MROH2B: variants seen among roughly 807,000 people sequenced by gnomAD.
The protein encoded by MROH2B is maestro heat-like repeat-containing protein family member 2B.
A neutral mutation model predicts 208.6 loss-of-function variants in MROH2B; 177 were observed. The ratio of observed to expected loss-of-function variants is 0.85; its 90% CI spans 0.75 to 0.96. The LOEUF (loss-of-function observed/expected upper bound fraction) is 0.96, where lower values mean the gene tolerates loss of function less well. Ranked by LOEUF, MROH2B falls within the 40% of genes least tolerant of loss-of-function variation. The pLI is 0.00. For synonymous variants in MROH2B, 728 were observed against 659.0 expected (o/e 1.10, Z -1.60); for missense variants, 2,002 against 1,878.7 (o/e 1.07, Z -1.21).
intron 6 of MROH2B, among the ~76,000 whole-genome samples, chr5:41,060,470 C>CT (rs1001672277): frequency 2.6e-5 from 4 of 152,180 alleles, no homozygotes; most frequent in Non-Finnish European, 5.9e-5. Flanking sequence ...TGCCTTATAT[C>CT]TTTTTTTCTC....
At chr5:41,014,208 G>A (rs1741864094) in intron 29 of MROH2B, among the ~76,000 whole-genome samples, 1 of 152,136 alleles carries the variant, frequency 6.6e-6, no homozygotes, top group African/African-American at 2.4e-5. Context: ...AATCTGTAAT[G>A]TCTACATTAT....
intron 13 of MROH2B, 138 bp from the exon 14 acceptor site, chr5:41,049,574 A>T: frequency 1.0e-6 from 1 of 992,698 alleles, no homozygotes; most frequent in East Asian, 2.6e-5. Context: ...TCAAGATGAG[A>T]TCATTAAAGG....
chr5:41,047,379 T>C (rs1743154101), intron 17 of MROH2B, among the ~76,000 whole-genome samples: 1 of 152,180 alleles, frequency 6.6e-6, no homozygotes, highest in Non-Finnish European at 1.5e-5. Context: ...GGAAATTATA[T>C]TCATCTGCTT....
chr5:41,013,490 T>G (rs1741838663), intron 29 of MROH2B, among the ~76,000 whole-genome samples: 1 of 152,204 alleles, frequency 6.6e-6, no homozygotes, highest in African/African-American at 2.4e-5. Flanking sequence ...ATGGTAATGA[T>G]TATGAGTTTG....
At chr5:41,048,826 T>C (rs1370100832) in intron 15 of MROH2B, among the ~76,000 whole-genome samples, 1 of 152,172 alleles carries the variant, frequency 6.6e-6, no homozygotes, top group Non-Finnish European at 1.5e-5. Context: ...AAATAACAGA[T>C]GTGGAATTTG....
In MROH2B at chr5:41,047,767, A is replaced by C. The variant is rs1399202149; in HGVS notation, c.1685-3T>G. ...TAGAACGGTACTGATGTTCTTTCCT[A>C]GAAACAAAAATTGATGTAATAATCG... On this transcript the variant is annotated splice_region_variant and splice_polypyrimidine_tract_variant and intron_variant, in intron 16 of 41. Transcript: ENST00000399564. The C allele has an allele frequency of 1.3e-6, 2 of 1,584,666 alleles. No homozygotes were observed. Among genetic ancestry groups the C allele is most frequent in the Non-Finnish European group, 8.6e-7 (1 of 1,164,160 alleles).
rs1313857431 is a variant in MROH2B, at chr5:41,000,819, C to G, written c.4209G>C (p.Val1403=). The G allele has an allele frequency of 7.4e-6, 12 of 1,611,012 alleles. No individual in the cohort carries two copies. Among genetic ancestry groups the G allele is most frequent in the East Asian group, 2.2e-5 (1 of 44,802 alleles). ...CAAATAAGAAGATGGCAGTCAATCT[C>G]ACATCATCCTGCTCCTGTGGTGACG... The part of the protein sequence containing the change: ...RTFFEDEQDD[V]RLTAIFLFED... Residue 1403 remains valine, a synonymous_variant, in exon 38 of 42, where the codon GTG becomes GTC. Transcript: ENST00000399564.
chr5:41,028,753 A>T (rs1319449330), intron 24 of MROH2B, among the ~76,000 whole-genome samples: 1 of 152,196 alleles, frequency 6.6e-6, no homozygotes, highest in East Asian at 1.9e-4. Flanking sequence ...GCTATTGTTA[A>T]TAATGCTGCA....
intron 21 of MROH2B, among the ~76,000 whole-genome samples, chr5:41,038,502 C>A (rs759757816): frequency 1.3e-4 from 20 of 152,176 alleles, no homozygotes; most frequent in Non-Finnish European, 2.6e-4. Context: ...TTTCTTTTGG[C>A]CTGTGTCCTT....
rs973437614 is a variant in MROH2B at position 41,071,035 on chromosome 5, G to A, written c.-183C>T. 3.3e-6 allele frequency: 2 copies of A among 600,288 alleles called. No homozygotes were observed. Among genetic ancestry groups the A allele is most frequent in the African/African-American group, 1.9e-5 (1 of 53,894 alleles). 37.2% of individuals were successfully genotyped at this position (600,288 alleles called of 1,614,324 possible). ...GGGAGCTTCCAGAGATGGGCTTGCT[G>A]TTGAAGTTGATACTGTATTCTACCA... On this transcript the variant is annotated 5_prime_UTR_variant, in exon 1 of 42. Coordinates refer to ENST00000399564, the MANE Select transcript of MROH2B (RefSeq NM_173489.5).
Position 41,008,607 on chromosome 5 carries a change from T to C in MROH2B, c.3607A>G (p.Arg1203Gly), listed in dbSNP as rs977703486. ...GATGCTTCCTGATTGGCCGTTTACC[T>C]GCAGGGGTCTGGGATCTGCTGCTGT... ...GEQQQIPDPCRLSTATLKCLQ... is the reference protein window; with the variant it reads ...GEQQQIPDPCGLSTATLKCLQ... The change falls in exon 33 of 42, where the codon AGG (arginine) becomes GGG (glycine). Residue 1203 changes from arginine to glycine, a missense_variant and splice_region_variant. Transcript: ENST00000399564. 1 of 1,613,454 alleles carries C rather than the reference T, an allele frequency of 6.2e-7. No individual in the cohort carries two copies. Among genetic ancestry groups the C allele is most frequent in the African/African-American group, 1.3e-5 (1 of 75,044 alleles).
intron 33 of MROH2B, among the ~76,000 whole-genome samples, chr5:41,008,074 T>G (rs368893459): frequency 1.3e-5 from 2 of 152,196 alleles, no homozygotes; most frequent in East Asian, 3.8e-4. Context: ...AATGATGGGA[T>G]ATGAAATGAA....
In MROH2B at chr5:41,045,834, C is replaced by T. The variant is rs771367116; in HGVS notation, c.1748G>A (p.Trp583Ter). ...GGTCCAGGCCACATCACTGATCTTC[C>T]ATAAGGATTCTTTGAGCAACTGTTG... is the stretch of plus-strand genomic sequence containing the variant. ...MLLQLLKESL[W>*]KISDVAWTIQ... Residue 583 changes from tryptophan to a stop codon, truncating the protein, a stop_gained, in exon 18 of 42, where the codon TGG becomes TAG. Coordinates refer to ENST00000399564, the MANE Select transcript of MROH2B (RefSeq NM_173489.5). LOFTEE classifies it high-confidence loss of function. The T allele has an allele frequency of 1.2e-5, 20 of 1,611,946 alleles. 1 individual carries two copies. In the Middle Eastern group the frequency reaches 5.0e-4, roughly 40 times the overall value.
rs146736635 is a variant in MROH2B, at chr5:41,002,470, C to G, written c.4195-1637G>C. ...CAAGTGTCACCATGTTTTGAAAAGT[C>G]TAAGAAAGTATTTAAATATTGAAAG... is the stretch of plus-strand genomic sequence containing the variant. On this transcript the variant is annotated intron_variant, in intron 37 of 41. Transcript: ENST00000399564. Among the ~76,000 whole-genome samples the G allele has an allele frequency of 7.2e-5, 11 of 152,080 alleles. No homozygotes were observed. The East Asian group carries it at 1.9e-3, about 27-fold the overall frequency.
At chr5:41,042,296 A>C (rs1742980305) in intron 18 of MROH2B, 88 bp from the exon 19 acceptor site, 1 of 770,424 alleles carries the variant, frequency 1.3e-6, no homozygotes, top group African/African-American at 1.7e-5. Context: ...TAATCATCTG[A>C]AGGAAAGAAA....
At chr5:41,055,615 A>T in intron 10 of MROH2B, 127 bp downstream of exon 10, 1 of 628,228 alleles carries the variant, frequency 1.6e-6, no homozygotes, top group Non-Finnish European at 2.7e-6. Flanking sequence ...TTAAGAAGAC[A>T]GAATTTCATT....
intron 39 of MROH2B, 151 bp downstream of exon 39, chr5:41,000,069 A>T (rs887178479): frequency 9.7e-7 from 1 of 1,032,730 alleles, no homozygotes; most frequent in Non-Finnish European, 1.4e-6. Context: ...CCTCTATGTC[A>T]CTATATCCTG....
intron 24 of MROH2B, among the ~76,000 whole-genome samples, chr5:41,019,415 T>C (rs1222104098): frequency 6.6e-6 from 1 of 152,148 alleles, no homozygotes; most frequent in Admixed American, 6.6e-5. Flanking sequence ...AGATTGTAAG[T>C]CTGCAGCAGT....
At chr5:41,010,510 G>T (rs1198429391) in intron 30 of MROH2B, among the ~76,000 whole-genome samples, 1 of 152,214 alleles carries the variant, frequency 6.6e-6, no homozygotes, top group Non-Finnish European at 1.5e-5. Context: ...GGGCCATTTG[G>T]TTTGGGTCTT....
Sources: allele counts gnomAD v4.1 joint callset (sites outside exome capture counted in the v4.1 genomes callset), GRCh38; gene constraint gnomAD v4.1.1; transcripts MANE v1.5; gene names NCBI Gene and HGNC (gene_info 2026-07-23, HGNC 2026-07-21).